NHEJ1: variants seen among roughly 807,000 people sequenced by gnomAD.
The protein encoded by NHEJ1 is non-homologous end-joining factor 1.
NHEJ1 carries 22 observed loss-of-function variants against 39.4 expected under a neutral mutation model. The observed-to-expected ratio is 0.56, with a 90% CI of 0.40 to 0.80. NHEJ1 has a LOEUF of 0.80. Ranked by LOEUF, NHEJ1 falls within the 30% of genes least tolerant of loss-of-function variation. NHEJ1 has a pLI of 0.00. For missense variants in NHEJ1, 329 were observed against 357.1 expected (o/e 0.92, Z 0.63); for synonymous variants, 154 against 135.6 (o/e 1.14, Z -0.94).
chr2:219,148,353 G>A (rs192644488), intron 3 of NHEJ1, among the ~76,000 whole-genome samples: 1 of 152,228 alleles, frequency 6.6e-6, no homozygotes, highest in East Asian at 1.9e-4. Context: ...AGGAGTTCAA[G>A]AGCAGCCTGA....
intron 3 of NHEJ1, among the ~76,000 whole-genome samples, chr2:219,149,270 T>C (rs1949772898): frequency 6.6e-6 from 1 of 152,058 alleles, no homozygotes. Flanking sequence ...CATATGATAA[T>C]GTATAGCTAT....
chr2:219,105,834 T>G (rs1315326186), intron 5 of NHEJ1, among the ~76,000 whole-genome samples: 1 of 152,218 alleles, frequency 6.6e-6, no homozygotes, highest in Non-Finnish European at 1.5e-5. Flanking sequence ...GGTACGTTAC[T>G]TGGACCTATA....
intron 5 of NHEJ1, among the ~76,000 whole-genome samples, chr2:219,113,519 T>C (rs1395324208): frequency 6.6e-6 from 1 of 152,222 alleles, no homozygotes; most frequent in Non-Finnish European, 1.5e-5. Context: ...TATTTATCTC[T>C]ATAACCTGCT....
intron 5 of NHEJ1, among the ~76,000 whole-genome samples, chr2:219,081,884 G>C (rs1316168365): frequency 6.6e-6 from 1 of 152,236 alleles, no homozygotes; most frequent in Non-Finnish European, 1.5e-5. Flanking sequence ...TGTGAAGACA[G>C]GGTATGTGGA....
chr2:219,115,670 T>A (rs920213162), intron 5 of NHEJ1, among the ~76,000 whole-genome samples: 6 of 152,230 alleles, frequency 3.9e-5, no homozygotes, highest in Admixed American at 3.3e-4. Context: ...TGTATACACA[T>A]GCACAAGTCT....
intron 5 of NHEJ1, among the ~76,000 whole-genome samples, chr2:219,141,469 G>C (rs1949691458): frequency 6.6e-6 from 1 of 151,930 alleles, no homozygotes; most frequent in African/African-American, 2.4e-5. Context: ...AAGATAGGCA[G>C]ATTCAAAAGA....
At chr2:219,155,496 G>T (rs902990473) in intron 3 of NHEJ1, among the ~76,000 whole-genome samples, 1 of 151,774 alleles carries the variant, frequency 6.6e-6, no homozygotes, top group African/African-American at 2.4e-5. Flanking sequence ...AGATGGAAAA[G>T]TTCACAAGAA....
chr2:219,158,242 G>T lies in NHEJ1; in HGVS notation c.121C>A (p.Leu41Ile). ...ACCTGTTCATGCCACACCTGTTGAA[G>T]ATCTGAAACCAACAAGGCATAGCCC... ...KQGYALLVSD[L>I]QQVWHEQVDT... is the part of the protein sequence containing the mutation. The change falls in exon 2 of 8, where the codon CTT (leucine) becomes ATT (isoleucine). Residue 41 changes from leucine to isoleucine, a missense_variant. Coordinates refer to ENST00000356853, the MANE Select transcript of NHEJ1 (RefSeq NM_024782.3). 1 of 1,614,220 alleles carries T rather than the reference G, an allele frequency of 6.2e-7. No individual in the cohort carries two copies.
chr2:219,148,134 T>C (rs1407400335), intron 3 of NHEJ1, among the ~76,000 whole-genome samples: 1 of 152,034 alleles, frequency 6.6e-6, no homozygotes, highest in Non-Finnish European at 1.5e-5. Flanking sequence ...TGGCAGAAGC[T>C]TGTAATCCCA....
chr2:219,117,593 T>C (rs1435349156), intron 5 of NHEJ1, among the ~76,000 whole-genome samples: 3 of 152,222 alleles, frequency 2.0e-5, no homozygotes, highest in Non-Finnish European at 4.4e-5. Flanking sequence ...AAATTTTAAA[T>C]AACAGAAAGA....
chr2:219,088,132 A>C (rs1949128706), intron 5 of NHEJ1, among the ~76,000 whole-genome samples: 1 of 152,276 alleles, frequency 6.6e-6, no homozygotes, highest in African/African-American at 2.4e-5. Context: ...GTGTGGTTAT[A>C]AATTGATACA....
intron 5 of NHEJ1, among the ~76,000 whole-genome samples, chr2:219,104,067 G>GT (rs1235308828): frequency 2.7e-5 from 4 of 148,892 alleles, no homozygotes; most frequent in Non-Finnish European, 6.0e-5. Context: ...GTTTTTTTTT[G>GT]TTTGTTTGTT....
At chr2:219,100,514 G>A (rs1447687679) in intron 5 of NHEJ1, among the ~76,000 whole-genome samples, 3 of 151,612 alleles carry the variant, frequency 2.0e-5, no homozygotes, top group African/African-American at 7.3e-5. Flanking sequence ...GGGAGACTGA[G>A]GCATGAGAAT....
At chr2:219,137,579 A>ACAAAAC in intron 5 of NHEJ1, among the ~76,000 whole-genome samples, 1 of 141,246 alleles carries the variant, frequency 7.1e-6, no homozygotes, top group East Asian at 2.0e-4. Context: ...GCAAAAAAAA[A>ACAAAAC]AAAAAAAAAA....
At chr2:219,147,546 A>G in intron 4 of NHEJ1, 111 bp downstream of exon 4, 1 of 1,322,518 alleles carries the variant, frequency 7.6e-7, no homozygotes, top group South Asian at 1.2e-5. Flanking sequence ...AGTATTCAGC[A>G]CCCATCCTGG....
intron 5 of NHEJ1, among the ~76,000 whole-genome samples, chr2:219,145,087 C>T (rs1949723283): frequency 6.6e-6 from 1 of 151,966 alleles, no homozygotes; most frequent in African/African-American, 2.4e-5. Flanking sequence ...TGGTGGTGCG[C>T]ACCTGTAATC....
At position 219,110,019 on chromosome 2, in the gene NHEJ1, C is replaced by G. The variant is rs561979840; in HGVS notation, c.589-31813G>C. On this transcript the variant is annotated intron_variant, in intron 5 of 7. Transcript: ENST00000356853. ...CATCTCCCCGATTGGGTATGTACCC[C>G]CTATGAAGAATCATGAGCTTAAAGA... Among the ~76,000 whole-genome samples the G allele has an allele frequency of 2.6e-5, 4 of 152,234 alleles. No homozygotes were observed. The East Asian group carries it at 5.8e-4, about 22-fold the overall frequency.
intron 5 of NHEJ1, among the ~76,000 whole-genome samples, chr2:219,136,367 C>T (rs1353528931): frequency 1.3e-5 from 2 of 149,780 alleles, no homozygotes; most frequent in African/African-American, 4.9e-5. Flanking sequence ...TGGCTGACTG[C>T]AACCTCAGCC....
intron 5 of NHEJ1, 128 bp from the exon 6 acceptor site, chr2:219,078,334 C>A: frequency 1.2e-6 from 1 of 806,984 alleles, no homozygotes; most frequent in Non-Finnish European, 2.1e-6. Context: ...CAATAGGGGG[C>A]GACCATATCC....
Sources: allele counts gnomAD v4.1 joint callset (sites outside exome capture counted in the v4.1 genomes callset), GRCh38; gene constraint gnomAD v4.1.1; transcripts MANE v1.5; gene names NCBI Gene and HGNC (gene_info 2026-07-23, HGNC 2026-07-21).